Variants in PSD3 observed in about 807,000 individuals in gnomAD.
The protein encoded by PSD3 is pleckstrin and Sec7 domain containing 3.
PSD3 carries 49 observed loss-of-function variants against 105.5 expected under a neutral mutation model. The ratio of observed to expected loss-of-function variants is 0.46; its 90% CI spans 0.37 to 0.59. The LOEUF is 0.59. Among genes scored for constraint, PSD3 ranks in the 20% least tolerant of loss-of-function variants. PSD3 has a pLI of 0.00. For synonymous variants in PSD3, 557 were observed against 457.8 expected, an observed-to-expected ratio of 1.22 and a Z score of -2.77; for missense variants, 1,561 against 1,263.8, an observed-to-expected ratio of 1.24 and a Z score of -3.57.
At chr8:18,734,458 G>C (rs982577476) in intron 9 of PSD3, 1 of 152,230 alleles carries the variant, frequency 6.6e-6, no homozygotes, top group South Asian at 2.1e-4. Flanking sequence ...GTTGTCACAA[G>C]ATGATGGTTC....
chr8:18,949,650 G>C (rs1237891728), intron 1 of PSD3, among the ~76,000 whole-genome samples: 2 of 152,004 alleles, frequency 1.3e-5, no homozygotes, highest in Admixed American at 6.5e-5. Flanking sequence ...CATAAATCGT[G>C]ACCAGATCAT....
intron 4 of PSD3, among the ~76,000 whole-genome samples, chr8:18,837,057 A>C (rs556489123): frequency 1.3e-5 from 2 of 152,202 alleles, no homozygotes; most frequent in East Asian, 3.9e-4. Context: ...AAGGAGAGAA[A>C]GGGACTGAGC....
intron 8 of PSD3, among the ~76,000 whole-genome samples, chr8:18,790,094 G>T (rs979036250): frequency 1.3e-5 from 2 of 151,956 alleles, no homozygotes; most frequent in Non-Finnish European, 2.9e-5. Flanking sequence ...GACAGGTGAA[G>T]GAACAGAGGA....
chr8:18,631,230 G>T (rs949976957), intron 11 of PSD3, among the ~76,000 whole-genome samples: 1 of 152,084 alleles, frequency 6.6e-6, no homozygotes, highest in African/African-American at 2.4e-5. Context: ...GAAGAAGGGT[G>T]TGTCTGCACA....
At chr8:18,879,143 C>T (rs1817946947) in intron 2 of PSD3, among the ~76,000 whole-genome samples, 1 of 151,824 alleles carries the variant, frequency 6.6e-6, no homozygotes, top group South Asian at 2.1e-4. Context: ...ATCAAGGGGC[C>T]TCAGAGAATT....
chr8:18,620,615 A>T (rs12156122), intron 11 of PSD3, among the ~76,000 whole-genome samples: 9,585 of 152,012 alleles, frequency 0.063, 397 homozygotes, highest in South Asian at 0.11. Flanking sequence ...AGGCTGAGGT[A>T]GGGGGGACTG....
At chr8:18,653,353 G>C (rs1301913196) in intron 10 of PSD3, among the ~76,000 whole-genome samples, 1 of 142,600 alleles carries the variant, frequency 7.0e-6, no homozygotes, top group Admixed American at 6.9e-5. Context: ...GAACAAGAGA[G>C]AAAAAGAAAA....
At chr8:18,819,410 C>T (rs1403214726) in intron 4 of PSD3, among the ~76,000 whole-genome samples, 2 of 152,046 alleles carry the variant, frequency 1.3e-5, no homozygotes, top group Admixed American at 6.6e-5. Context: ...AGAGATGCTA[C>T]TCAATAGAAA....
At chr8:18,922,933 T>C (rs773914830) in intron 2 of PSD3, among the ~76,000 whole-genome samples, 1 of 152,218 alleles carries the variant, frequency 6.6e-6, no homozygotes, top group Non-Finnish European at 1.5e-5. Flanking sequence ...TGTGTTCGTC[T>C]TTCAGGGAGC....
intron 9 of PSD3, among the ~76,000 whole-genome samples, chr8:18,661,047 G>C (rs924487868): frequency 6.6e-6 from 1 of 152,132 alleles, no homozygotes; most frequent in Non-Finnish European, 1.5e-5. Context: ...CCCACACAGG[G>C]CTCTCTGAAG....
chr8:19,066,082 C>T (rs1262282712), intron 1 of PSD3, among the ~76,000 whole-genome samples: 1 of 152,204 alleles, frequency 6.6e-6, no homozygotes, highest in African/African-American at 2.4e-5. Flanking sequence ...CATGGCAGCA[C>T]CTTTCTAAAT....
intron 9 of PSD3, among the ~76,000 whole-genome samples, chr8:18,677,744 G>T (rs889062532): frequency 6.6e-6 from 1 of 152,268 alleles, no homozygotes; most frequent in South Asian, 2.1e-4. Flanking sequence ...GGGCACGGTG[G>T]CTTACGCCTG....
chr8:18,648,287 T>A (rs1808206566), intron 10 of PSD3, among the ~76,000 whole-genome samples: 1 of 152,204 alleles, frequency 6.6e-6, no homozygotes, highest in Non-Finnish European at 1.5e-5. Flanking sequence ...CTGATAGTGA[T>A]ACGGACAATA....
At chr8:19,000,756 T>C (rs1215294675) in intron 1 of PSD3, 2 of 151,890 alleles carry the variant, frequency 1.3e-5, no homozygotes, top group African/African-American at 2.4e-5. Flanking sequence ...ACTCAGGAAA[T>C]TCTATTCTGC....
intron 12 of PSD3, among the ~76,000 whole-genome samples, chr8:18,590,294 G>T (rs557171539): frequency 2.0e-5 from 3 of 152,214 alleles, no homozygotes; most frequent in South Asian, 4.2e-4. Flanking sequence ...ACCATGAGGG[G>T]TCGCCATCTG....
intron 9 of PSD3, among the ~76,000 whole-genome samples, chr8:18,671,929 C>A (rs917741489): frequency 8.5e-5 from 13 of 152,138 alleles, no homozygotes; most frequent in Admixed American, 3.9e-4. Context: ...CTGCGCCGGG[C>A]CTGATTTTGT....
intron 7 of PSD3, among the ~76,000 whole-genome samples, chr8:18,800,326 T>G (rs1810569548): frequency 6.6e-6 from 1 of 152,226 alleles, no homozygotes; most frequent in African/African-American, 2.4e-5. Context: ...AGCATCAGTT[T>G]ACCGATAGGA....
chr8:18,892,417 G>A (rs1818858020), intron 2 of PSD3, among the ~76,000 whole-genome samples: 1 of 151,650 alleles, frequency 6.6e-6, no homozygotes, highest in Non-Finnish European at 1.5e-5. Flanking sequence ...TAAAGACGGA[G>A]TTTCACCATG....
At chr8:19,064,942 C>G (rs79296043) in intron 1 of PSD3, among the ~76,000 whole-genome samples, 2,314 of 152,212 alleles carry the variant, frequency 0.015, 74 homozygotes, top group African/African-American at 0.053. Context: ...GCACTAGGTC[C>G]CAACAGAACA....
Sources: gnomAD v4.1 joint callset for allele counts (sites outside exome capture counted in the v4.1 genomes callset) on GRCh38, gnomAD v4.1.1 for gene constraint, MANE v1.5 for transcripts, NCBI Gene and HGNC (gene_info 2026-07-23, HGNC 2026-07-21) for gene names.